HIVEP3: variants seen among roughly 807,000 people sequenced by gnomAD.
The protein encoded by HIVEP3 is HIVEP zinc finger 3, also known as transcription factor HIVEP3.
In HIVEP3, 49 loss-of-function variants were observed where a neutral mutation model predicts 152.8. That is an observed-to-expected ratio of 0.32 (90% confidence interval 0.26 to 0.41). The LOEUF (loss-of-function observed/expected upper bound fraction) is 0.41, where lower values mean the gene tolerates loss of function less well. Ranked by LOEUF, HIVEP3 falls within the 10% of genes least tolerant of loss-of-function variation. The pLI is 1.00. For missense variants in HIVEP3, 2,790 were observed against 3,103.3 expected (o/e 0.90, Z 2.40); for synonymous variants, 1,269 against 1,289.0 (o/e 0.98, Z 0.33).
intron 5 of HIVEP3, among the ~76,000 whole-genome samples, chr1:41,560,296 C>T (rs1228909691): frequency 1.3e-5 from 2 of 152,116 alleles, no homozygotes; most frequent in African/African-American, 2.4e-5. Context: ...GGCGCAGGGC[C>T]AGGATTTGAA....
At chr1:41,826,869 A>C (rs1428614409) in intron 1 of HIVEP3, among the ~76,000 whole-genome samples, 1 of 152,220 alleles carries the variant, frequency 6.6e-6, no homozygotes, top group Non-Finnish European at 1.5e-5. Context: ...CCTGCCATGC[A>C]CTTGGTACCC....
At chr1:41,900,739 T>G (rs1644607051) in intron 1 of HIVEP3, among the ~76,000 whole-genome samples, 1 of 151,974 alleles carries the variant, frequency 6.6e-6, no homozygotes, top group African/African-American at 2.4e-5. Flanking sequence ...CTAAAAAGCT[T>G]CCCAGGAAAA....
intron 1 of HIVEP3, among the ~76,000 whole-genome samples, chr1:41,880,871 C>T (rs889595790): frequency 2.0e-5 from 3 of 152,150 alleles, no homozygotes; most frequent in Non-Finnish European, 4.4e-5. Flanking sequence ...GCGAAAGGGG[C>T]CACATTCTCT....
At chr1:41,689,560 G>A (rs991325175) in intron 2 of HIVEP3, among the ~76,000 whole-genome samples, 1 of 152,156 alleles carries the variant, frequency 6.6e-6, no homozygotes, top group African/African-American at 2.4e-5. Context: ...TGGGAGGAGT[G>A]GTAGGAAGCC....
chr1:41,650,370 G>A (rs1447421063), intron 2 of HIVEP3, among the ~76,000 whole-genome samples: 8 of 152,124 alleles, frequency 5.3e-5, no homozygotes, highest in African/African-American at 7.2e-5. Flanking sequence ...TGGGCATGGC[G>A]GGGGCAGGGG....
intron 2 of HIVEP3, among the ~76,000 whole-genome samples, chr1:41,698,009 T>C (rs1385921236): frequency 3.3e-5 from 5 of 152,164 alleles, no homozygotes; most frequent in East Asian, 1.9e-4. Context: ...TGTGCGTCAG[T>C]TGTCATCTGT....
At chr1:41,586,789 T>G (rs1373615875) in intron 3 of HIVEP3, among the ~76,000 whole-genome samples, 1 of 152,184 alleles carries the variant, frequency 6.6e-6, no homozygotes, top group Non-Finnish European at 1.5e-5. Flanking sequence ...ATCCTCTAAG[T>G]TCACTCCTTT....
chr1:41,575,703 G>C lies in HIVEP3; in HGVS notation c.5062-14C>G, dbSNP rs772668902. 1.2e-6 allele frequency: 2 copies of C among 1,612,944 alleles called. No individual in the cohort carries two copies. The highest frequency in any genetic ancestry group is 1.1e-5 in the South Asian group (1 of 91,052). The stretch of plus-strand genomic sequence containing the variant: ...AGGGAGGTGAACCTGGCCCACCGCA[G>C]GAATGACAAAATCATTGCTGGTTAA... On this transcript the variant is annotated splice_polypyrimidine_tract_variant and intron_variant, in intron 4 of 8. Transcript: ENST00000372583.
chr1:41,998,895 T>C (rs1645410970), intron 1 of HIVEP3, among the ~76,000 whole-genome samples: 1 of 128,588 alleles, frequency 7.8e-6, no homozygotes, highest in African/African-American at 2.9e-5. Context: ...CTCTCTTTTT[T>C]TTTTTTTTTT....
At chr1:41,926,963 G>C (rs1386248443) in intron 1 of HIVEP3, among the ~76,000 whole-genome samples, 2 of 152,130 alleles carry the variant, frequency 1.3e-5, no homozygotes, top group African/African-American at 4.8e-5. Context: ...TAGCACACTA[G>C]AAAGTTTGAG....
intron 1 of HIVEP3, among the ~76,000 whole-genome samples, chr1:42,002,146 G>A (rs348140): frequency 0.057 from 8,667 of 152,154 alleles, 852 homozygotes; most frequent in African/African-American, 0.2. Flanking sequence ...GACACACAAT[G>A]TGACAATTAG....
At position 41,753,118 on chromosome 1, in the gene HIVEP3, A is replaced by C. The variant is rs577425463; in HGVS notation, c.-800-52123T>G. 2.6e-5 allele frequency among the ~76,000 whole-genome samples: 4 copies of C among 152,362 alleles called. No individual in the cohort carries two copies. The East Asian group carries it at 7.7e-4, about 29-fold the overall frequency. On this transcript the variant is annotated intron_variant, in intron 1 of 8. Transcript: ENST00000372583. ...AGAACAGTGGCAGGTAACTTGGCAA[A>C]GACTTTCTAAAAATGACAAGACCCA...
Position 41,546,077 on chromosome 1 carries a change from C to T in HIVEP3, c.5208-21167G>A, listed in dbSNP as rs142006450. On this transcript the variant is annotated intron_variant, in intron 5 of 8. Transcript: ENST00000372583. Reference sequence around the variant, plus strand: ...ATGGCCCCTCTGAGTTTAGTGCTTACTTCTGTGCCTGGAGCATGTAAGTCC... The same window carrying T: ...ATGGCCCCTCTGAGTTTAGTGCTTATTTCTGTGCCTGGAGCATGTAAGTCC... 3.0e-3 allele frequency among the ~76,000 whole-genome samples: 458 copies of T among 152,340 alleles called. 1 individual carries two copies. Among genetic ancestry groups the T allele is most frequent in the Non-Finnish European group, 5.0e-3 (339 of 68,034 alleles).
At chr1:41,996,187 G>C (rs1239575182) in intron 1 of HIVEP3, among the ~76,000 whole-genome samples, 3 of 151,822 alleles carry the variant, frequency 2.0e-5, no homozygotes, top group Non-Finnish European at 4.4e-5. Flanking sequence ...GAGGCCAGGA[G>C]TTCAAGACCA....
At chr1:41,986,073 T>C (rs1034813963) in intron 1 of HIVEP3, among the ~76,000 whole-genome samples, 2 of 152,196 alleles carry the variant, frequency 1.3e-5, no homozygotes, top group African/African-American at 4.8e-5. Context: ...CTTATCCAAT[T>C]ACATGATGTG....
At chr1:41,829,100 C>T (rs1413730399) in intron 1 of HIVEP3, among the ~76,000 whole-genome samples, 3 of 152,034 alleles carry the variant, frequency 2.0e-5, no homozygotes, top group African/African-American at 7.2e-5. Context: ...GCCTGCCTGG[C>T]CAGGCCAGGC....
At chr1:41,737,641 A>T (rs1325606168) in intron 1 of HIVEP3, among the ~76,000 whole-genome samples, 1 of 152,222 alleles carries the variant, frequency 6.6e-6, no homozygotes. Flanking sequence ...GAAGGAATAA[A>T]GGCTCAGAGA....
chr1:41,937,163 C>A (rs1437961730), intron 1 of HIVEP3, among the ~76,000 whole-genome samples: 1 of 152,100 alleles, frequency 6.6e-6, no homozygotes, highest in African/African-American at 2.4e-5. Flanking sequence ...GAGAACTGAT[C>A]CCCCAACATT....
chr1:41,628,737 C>T lies in HIVEP3; in HGVS notation c.-522+12G>A, dbSNP rs1345745503. 1.6e-5 allele frequency: 20 copies of T among 1,231,546 alleles called. No homozygotes were observed. The South Asian group carries it at 7.0e-4, about 43-fold the overall frequency. The allele number at this position is 1,231,546 out of a possible 1,614,324, so 76.3% of individuals were successfully genotyped here. ...CTGGCAAGCATATTCAGCAACAGCC[C>T]CCATTTCCTACCTGTGCTGAAGGCA... is the stretch of plus-strand genomic sequence containing the variant. On this transcript the variant is annotated intron_variant, in intron 3 of 8. Coordinates refer to ENST00000372583, the MANE Select transcript of HIVEP3 (RefSeq NM_024503.5).
Sources: allele counts gnomAD v4.1 joint callset (sites outside exome capture counted in the v4.1 genomes callset), GRCh38; gene constraint gnomAD v4.1.1; transcripts MANE v1.5; gene names NCBI Gene and HGNC (gene_info 2026-07-23, HGNC 2026-07-21).